The following PRDM16 variants were observed in gnomAD, a reference collection of about 807,000 sequenced individuals.
The protein encoded by PRDM16 is histone-lysine N-methyltransferase PRDM16.
In PRDM16, 23 loss-of-function variants were observed where a neutral mutation model predicts 110.6. That is an observed-to-expected ratio of 0.21 (90% CI 0.15 to 0.29). PRDM16 has a LOEUF of 0.29. PRDM16 is among the 10% of genes least tolerant of loss of function. The pLI, the probability that PRDM16 is intolerant of heterozygous loss-of-function variation, is 1.00. For missense variants in PRDM16, 1,615 were observed against 1,794.3 expected (o/e 0.90, Z 1.81); for synonymous variants, 799 against 781.8 (o/e 1.02, Z -0.37).
At chr1:3,320,988 C>G (rs6690558) in intron 3 of PRDM16, among the ~76,000 whole-genome samples, 2 of 152,206 alleles carry the variant, frequency 1.3e-5, no homozygotes, top group African/African-American at 2.4e-5. Context: ...AGACGAAACG[C>G]GTGCCCTTCC....
chr1:3,355,804 G>C (rs764559838), intron 3 of PRDM16, among the ~76,000 whole-genome samples: 1 of 152,130 alleles, frequency 6.6e-6, no homozygotes, highest in Non-Finnish European at 1.5e-5. Flanking sequence ...GCCATGTGGG[G>C]GTACACAAGG....
chr1:3,316,200 C>A (rs1281777092), intron 3 of PRDM16, among the ~76,000 whole-genome samples: 2 of 147,556 alleles, frequency 1.4e-5, no homozygotes, highest in East Asian at 4.1e-4. Flanking sequence ...TCCAGGGCCA[C>A]AGCGGAGCTC....
rs936989704 is a variant in PRDM16 at position 3,358,561 on chromosome 1, C to T, written c.439-26591C>T. 2.0e-5 allele frequency among the ~76,000 whole-genome samples: 3 copies of T among 152,208 alleles called. No homozygotes were observed. Among genetic ancestry groups the T allele is most frequent in the African/African-American group, 7.2e-5 (3 of 41,454 alleles). On this transcript the variant is annotated intron_variant, in intron 3 of 16. Transcript: ENST00000270722. The surrounding 1 kb of genome is among the most constrained non-coding windows in gnomAD (Gnocchi z 4.0). ...TCACCAGGCAGAGCCCCGAATTCTCCACTGGGGCCGGAAGAGGAGCTCTCG... is the reference window on the plus strand; with the variant it reads ...TCACCAGGCAGAGCCCCGAATTCTCTACTGGGGCCGGAAGAGGAGCTCTCG...
chr1:3,354,437 G>A (rs1395213709), intron 3 of PRDM16, among the ~76,000 whole-genome samples: 6 of 146,170 alleles, frequency 4.1e-5, no homozygotes, highest in African/African-American at 7.8e-5. Context: ...TCCAGCCTGG[G>A]TGACAGGGCG....
chr1:3,142,062 CCG>C, intron 1 of PRDM16, among the ~76,000 whole-genome samples: 1 of 152,382 alleles, frequency 6.6e-6, no homozygotes, highest in South Asian at 2.1e-4. Flanking sequence ...CCCATCCACC[CCG>C]CAGGAGCTGG....
chr1:3,291,312 GT>G (rs1557585494), intron 3 of PRDM16, among the ~76,000 whole-genome samples: 1 of 152,162 alleles, frequency 6.6e-6, no homozygotes, highest in Non-Finnish European at 1.5e-5. Flanking sequence ...TGCGCTCACA[GT>G]GGCCCCACCT....
At chr1:3,409,849 T>TGG (rs1643647320) in intron 8 of PRDM16, among the ~76,000 whole-genome samples, 3 of 127,106 alleles carry the variant, frequency 2.4e-5, no homozygotes, top group Non-Finnish European at 4.9e-5. Flanking sequence ...GTGGTGTGGG[T>TGG]GTGTGTGTGG....
In PRDM16 at chr1:3,243,705, C is replaced by G. The variant is rs150970293; in HGVS notation, c.388-382C>G. Among the ~76,000 whole-genome samples the G allele has an allele frequency of 3.0e-4, 46 of 152,370 alleles. 1 individual carries two copies. The highest frequency in any genetic ancestry group is 1.1e-3 in the African/African-American group (44 of 41,588). On this transcript the variant is annotated intron_variant, in intron 2 of 16. Transcript: ENST00000270722. The surrounding 1 kb of genome is among the most constrained non-coding windows in gnomAD (Gnocchi z 5.5). ...AACACAAATAGAGTCTGTTCACCAT[C>G]CAGGGTGTCCATGCGCTCCTCCCAG...
At chr1:3,355,472 G>A (rs956804396) in intron 3 of PRDM16, among the ~76,000 whole-genome samples, 1 of 152,196 alleles carries the variant, frequency 6.6e-6, no homozygotes, top group African/African-American at 2.4e-5. Context: ...CTACTGGTTG[G>A]TGCCACCCTG....
intron 3 of PRDM16, among the ~76,000 whole-genome samples, chr1:3,368,691 T>C (rs1182655075): frequency 6.6e-6 from 1 of 152,146 alleles, no homozygotes; most frequent in East Asian, 1.9e-4. Flanking sequence ...TTCAGCAGGA[T>C]TTTTTCTTCT....
At chr1:3,409,869 G>T in intron 8 of PRDM16, among the ~76,000 whole-genome samples, 1 of 144,068 alleles carries the variant, frequency 6.9e-6, no homozygotes. Flanking sequence ...GTGTTTGTGT[G>T]CATGTGTGTG....
intron 2 of PRDM16, among the ~76,000 whole-genome samples, chr1:3,226,312 G>T (rs1639287997): frequency 6.6e-6 from 1 of 152,186 alleles, no homozygotes; most frequent in Admixed American, 6.5e-5. Context: ...TGTTGTGGTG[G>T]GGTCATTCAG....
At chr1:3,139,978 C>G (rs944146447) in intron 1 of PRDM16, among the ~76,000 whole-genome samples, 3 of 152,268 alleles carry the variant, frequency 2.0e-5, no homozygotes, top group East Asian at 1.9e-4. Context: ...CAGACAAACA[C>G]GGCAGGCTGG....
intron 1 of PRDM16, among the ~76,000 whole-genome samples, chr1:3,138,690 G>A (rs562013807): frequency 1.2e-3 from 176 of 152,312 alleles, no homozygotes; most frequent in African/African-American, 3.5e-3. Flanking sequence ...GCAAGACAGC[G>A]TTCCAGAAAG....
At chr1:3,340,392 C>A (rs72632196) in intron 3 of PRDM16, among the ~76,000 whole-genome samples, 114 of 152,338 alleles carry the variant, frequency 7.5e-4, no homozygotes, top group Non-Finnish European at 1.4e-3. Context: ...TTTACCTGAT[C>A]CCCATCTCAG....
intron 1 of PRDM16, among the ~76,000 whole-genome samples, chr1:3,120,109 C>T (rs1643061284): frequency 7.1e-6 from 1 of 140,564 alleles, no homozygotes; most frequent in African/African-American, 2.9e-5. Flanking sequence ...CCACAGGTGG[C>T]CCCTGAGCTT....
At chr1:3,399,607 C>T (rs1643435918) in intron 5 of PRDM16, among the ~76,000 whole-genome samples, 1 of 152,206 alleles carries the variant, frequency 6.6e-6, no homozygotes. Flanking sequence ...GGGATGGTCA[C>T]TGAAGTCGGC....
At chr1:3,168,471 G>A (rs534212830) in intron 1 of PRDM16, among the ~76,000 whole-genome samples, 1 of 150,796 alleles carries the variant, frequency 6.6e-6, no homozygotes, top group African/African-American at 2.4e-5. Flanking sequence ...AAAGATTGTT[G>A]AGACTTGTAA....
chr1:3,185,694 T>C (rs544826555), intron 1 of PRDM16, among the ~76,000 whole-genome samples: 1 of 152,332 alleles, frequency 6.6e-6, no homozygotes, highest in South Asian at 2.1e-4. Flanking sequence ...CTGGTGCAAA[T>C]ATTTCACCAT....
Sources: allele counts gnomAD v4.1 joint callset (sites outside exome capture counted in the v4.1 genomes callset), GRCh38; gene constraint gnomAD v4.1.1; non-coding constraint Gnocchi (gnomAD v3.1); transcripts MANE v1.5; gene names NCBI Gene and HGNC (gene_info 2026-07-23, HGNC 2026-07-21).